The following HOOK1 variants were observed in gnomAD, a reference collection of about 807,000 sequenced individuals.
HOOK1 encodes hook microtubule tethering protein 1, also known as protein Hook homolog 1.
In HOOK1, 60 loss-of-function variants were observed where a neutral mutation model predicts 112.8. That is an observed-to-expected ratio of 0.53 (90% CI 0.43 to 0.66). The LOEUF is 0.66. HOOK1 is among the 30% of genes least tolerant of loss of function. The pLI is 0.00. For missense variants in HOOK1, 770 were observed against 856.0 expected (o/e 0.90, Z 1.25); for synonymous variants, 294 against 283.8 (o/e 1.04, Z -0.36).
chr1:59,838,385 T>C (rs2098399140), intron 7 of HOOK1, among the ~76,000 whole-genome samples: 3 of 152,220 alleles, frequency 2.0e-5, no homozygotes, highest in Admixed American at 2.0e-4. Flanking sequence ...ATGTTCGCCA[T>C]TCTAACTGGT....
intron 2 of HOOK1, among the ~76,000 whole-genome samples, chr1:59,825,093 A>G (rs1325804053): frequency 6.6e-6 from 1 of 152,198 alleles, no homozygotes; most frequent in African/African-American, 2.4e-5. Context: ...CTGTCTTCAC[A>G]TGGCCATCTT....
intron 15 of HOOK1, among the ~76,000 whole-genome samples, chr1:59,861,693 T>A (rs2098413695): frequency 6.6e-6 from 1 of 152,194 alleles, no homozygotes; most frequent in Non-Finnish European, 1.5e-5. Flanking sequence ...TAATGAACTC[T>A]CTGTCAATCT....
Position 59,846,806 on chromosome 1 carries a change from T to C in HOOK1, c.789-239T>C, listed in dbSNP as rs186879477. ...ATGTGTTGTTTAATTTACAAAGATT[T>C]AAAGCTTTTCTAGACTTCTTATTGC... On this transcript the variant is annotated intron_variant, in intron 9 of 21. Coordinates refer to ENST00000371208, the MANE Select transcript of HOOK1 (RefSeq NM_015888.6). Among the ~76,000 whole-genome samples, 844 of 151,600 alleles carry C rather than the reference T, an allele frequency of 5.6e-3. 4 individuals are homozygous for C. The highest frequency in any genetic ancestry group is 0.014 in the South Asian group (66 of 4,814).
chr1:59,839,845 T>C lies in HOOK1; in HGVS notation c.538-463T>C, dbSNP rs770396614. Among the ~76,000 whole-genome samples, 20 of 152,314 alleles carry C rather than the reference T, an allele frequency of 1.3e-4. No homozygotes were observed. The Middle Eastern group carries it at 0.01, about 78-fold the overall frequency. ...GTGGTTTTGTCATAAATAGCTCTTATTATGTTTAGATACGTTCCATTGATA... is the reference window on the plus strand; with the variant it reads ...GTGGTTTTGTCATAAATAGCTCTTACTATGTTTAGATACGTTCCATTGATA... On this transcript the variant is annotated intron_variant, in intron 7 of 21. Coordinates refer to ENST00000371208, the MANE Select transcript of HOOK1 (RefSeq NM_015888.6).
intron 1 of HOOK1, 46 bp from the exon 2 acceptor site, chr1:59,821,812 G>A (rs762686079): frequency 2.4e-6 from 3 of 1,240,588 alleles, no homozygotes; most frequent in African/African-American, 1.6e-5. Flanking sequence ...ATGCTACCTT[G>A]TAGGTATAAA....
At chr1:59,866,193 G>A (rs1409878032) in intron 19 of HOOK1, among the ~76,000 whole-genome samples, 1 of 152,170 alleles carries the variant, frequency 6.6e-6, no homozygotes, top group Non-Finnish European at 1.5e-5. Flanking sequence ...AATAGGGACT[G>A]TTTAGACAGA....
intron 20 of HOOK1, among the ~76,000 whole-genome samples, chr1:59,869,297 T>C (rs1329121565): frequency 1.3e-5 from 2 of 151,840 alleles, no homozygotes; most frequent in East Asian, 3.9e-4. Context: ...GTTCAAGCAA[T>C]TCTCTTGCCT....
intron 20 of HOOK1, 112 bp from the exon 21 acceptor site, chr1:59,870,930 C>A: frequency 1.4e-6 from 1 of 710,384 alleles, no homozygotes; most frequent in Non-Finnish European, 2.4e-6. Flanking sequence ...GTGTGCCTCA[C>A]AAGTGCAATC....
chr1:59,840,950 T>C (rs931636525), intron 8 of HOOK1, among the ~76,000 whole-genome samples: 1 of 152,164 alleles, frequency 6.6e-6, no homozygotes, highest in Admixed American at 6.6e-5. Context: ...CAAACCAGGC[T>C]ACCTACATTC....
At chr1:59,870,021 G>A (rs12093239) in intron 20 of HOOK1, among the ~76,000 whole-genome samples, 7,229 of 152,138 alleles carry the variant, frequency 0.048, 402 homozygotes, top group African/African-American at 0.13. Flanking sequence ...GGCCAGGGTT[G>A]CAGCATTATT....
At chr1:59,864,723 C>A in intron 17 of HOOK1, 57 bp downstream of exon 17, 1 of 1,074,982 alleles carries the variant, frequency 9.3e-7, no homozygotes, top group Non-Finnish European at 1.4e-6. Flanking sequence ...GTAAAAGCCT[C>A]TAAAGTTAAT....
In HOOK1 at chr1:59,815,041, G is replaced by A; in HGVS notation, c.-77G>A. On this transcript the variant is annotated 5_prime_UTR_variant, in exon 1 of 22. Transcript: ENST00000371208. Reference sequence around the variant, plus strand: ...GCTTTCCTGGGGGCTAGCAGGTCGTGGACGCCGGCTCCTGGAGGAGAGCCG... The same window carrying A: ...GCTTTCCTGGGGGCTAGCAGGTCGTAGACGCCGGCTCCTGGAGGAGAGCCG... The A allele has an allele frequency of 1.4e-6, 2 of 1,432,198 alleles. No homozygotes were observed. The highest frequency in any genetic ancestry group is 1.2e-5 in the South Asian group (1 of 81,314). 88.7% of individuals were successfully genotyped at this position (1,432,198 alleles called of 1,614,324 possible).
chr1:59,827,488 G>A (rs2098390833), intron 2 of HOOK1, among the ~76,000 whole-genome samples: 1 of 152,122 alleles, frequency 6.6e-6, no homozygotes, highest in Non-Finnish European at 1.5e-5. Context: ...GGACAGTTTT[G>A]ACTCATTAAC....
At chr1:59,842,526 T>G (rs1317319965) in intron 8 of HOOK1, among the ~76,000 whole-genome samples, 1 of 152,146 alleles carries the variant, frequency 6.6e-6, no homozygotes, top group Non-Finnish European at 1.5e-5. Context: ...CTATATACTG[T>G]GTTCAGGGCA....
At chr1:59,834,567 GC>G (rs1256361599) in intron 5 of HOOK1, among the ~76,000 whole-genome samples, 2 of 152,140 alleles carry the variant, frequency 1.3e-5, no homozygotes, top group African/African-American at 4.8e-5. Flanking sequence ...TTTCATAAAA[GC>G]AGGGACATTT....
At chr1:59,864,552 A>G in intron 16 of HOOK1, 80 bp from the exon 17 acceptor site, 5 of 829,158 alleles carry the variant, frequency 6.0e-6, no homozygotes, top group Non-Finnish European at 1.0e-5. Context: ...CTTCAAAAGG[A>G]GGTAAAGAGA....
At position 59,874,062 on chromosome 1, in the gene HOOK1, T is replaced by C. The variant is rs2102083221; in HGVS notation, c.*1097T>C. 6.6e-6 allele frequency: 1 copy of C among 152,128 alleles called. No individual in the cohort carries two copies. Among genetic ancestry groups the C allele is most frequent in the East Asian group, 1.9e-4 (1 of 5,174 alleles). The allele number at this position is 152,128 out of a possible 1,614,324, so 9.4% of individuals were successfully genotyped here. On this transcript the variant is annotated 3_prime_UTR_variant, in exon 22 of 22. Coordinates refer to ENST00000371208, the MANE Select transcript of HOOK1 (RefSeq NM_015888.6). ...GGGTCATTTTTAAAAGTTAGCACTT[T>C]TGAATTTTAGTTGTGTTAAATATGT... is the stretch of plus-strand genomic sequence containing the variant.
intron 1 of HOOK1, among the ~76,000 whole-genome samples, chr1:59,816,418 C>G (rs2098381569): frequency 6.6e-6 from 1 of 152,108 alleles, no homozygotes; most frequent in Admixed American, 6.5e-5. Flanking sequence ...GTCGTAGAAA[C>G]AAGGCAACAT....
chr1:59,850,143 A>C (rs1343502570), intron 12 of HOOK1, among the ~76,000 whole-genome samples: 1 of 151,498 alleles, frequency 6.6e-6, no homozygotes, highest in Admixed American at 6.6e-5. Flanking sequence ...TCTTTTATGT[A>C]CTTATTAGCC....
Sources: gnomAD v4.1 joint callset for allele counts (sites outside exome capture counted in the v4.1 genomes callset) on GRCh38, gnomAD v4.1.1 for gene constraint, MANE v1.5 for transcripts, NCBI Gene and HGNC (gene_info 2026-07-23, HGNC 2026-07-21) for gene names.